Variants in ZNF710 observed in about 807,000 individuals in gnomAD.
ZNF710 encodes the protein zinc finger protein 710.
A neutral mutation model predicts 50.6 loss-of-function variants in ZNF710; 13 were observed. That is an observed-to-expected ratio of 0.26 (90% confidence interval 0.17 to 0.41). The LOEUF (loss-of-function observed/expected upper bound fraction) is 0.41, where lower values mean the gene tolerates loss of function less well. ZNF710 is among the 10% of genes least tolerant of loss of function. ZNF710 has a pLI of 1.00. For missense variants in ZNF710, 721 were observed against 936.6 expected, an observed-to-expected ratio of 0.77 and a Z score of 3.01; for synonymous variants, 383 against 397.0, an observed-to-expected ratio of 0.96 and a Z score of 0.42.
intron 1 of ZNF710, among the ~76,000 whole-genome samples, chr15:90,019,173 A>G (rs1315313973): frequency 1.1e-5 from 1 of 93,084 alleles, no homozygotes; most frequent in Non-Finnish European, 2.2e-5. Flanking sequence ...GTACCATCTT[A>G]TTACTTTTTC....
At chr15:90,005,345 A>G (rs1898112988) in intron 1 of ZNF710, among the ~76,000 whole-genome samples, 1 of 152,224 alleles carries the variant, frequency 6.6e-6, no homozygotes, top group African/African-American at 2.4e-5. Flanking sequence ...CATTGCTTCA[A>G]ACAAGCTCCA....
At chr15:90,041,424 C>T (rs1899291162) in intron 1 of ZNF710, among the ~76,000 whole-genome samples, 1 of 152,148 alleles carries the variant, frequency 6.6e-6, no homozygotes, top group Non-Finnish European at 1.5e-5. Flanking sequence ...CTCCCAGGCT[C>T]AAGCGATCCT....
intron 1 of ZNF710, among the ~76,000 whole-genome samples, chr15:90,027,733 T>C (rs988481425): frequency 6.6e-6 from 1 of 151,694 alleles, no homozygotes; most frequent in African/African-American, 2.4e-5. Flanking sequence ...GTGCCTATAG[T>C]CCCAGCTGCT....
At chr15:90,045,996 T>G (rs1040855181) in intron 1 of ZNF710, among the ~76,000 whole-genome samples, 12 of 152,250 alleles carry the variant, frequency 7.9e-5, no homozygotes, top group African/African-American at 2.6e-4. Flanking sequence ...GGTCACACTC[T>G]GGGTCCCCCA....
rs748126771 is a variant in ZNF710, at chr15:90,079,654, T to C, written c.1826-6T>C. On this transcript the variant is annotated splice_polypyrimidine_tract_variant and splice_region_variant and intron_variant, in intron 4 of 4. Coordinates refer to ENST00000268154, the MANE Select transcript of ZNF710 (RefSeq NM_198526.4). ...AGCCAGGTCTGACTGTGCCCCTCTCTTACAGACCCCATGATGGAGCTGACA... is the reference window on the plus strand; with the variant it reads ...AGCCAGGTCTGACTGTGCCCCTCTCCTACAGACCCCATGATGGAGCTGACA... The C allele has an allele frequency of 2.5e-6, 4 of 1,611,944 alleles. No individual in the cohort carries two copies. In the African/African-American group the frequency reaches 4.0e-5, roughly 16 times the overall value.
chr15:90,002,295 C>T (rs1898033205), intron 1 of ZNF710, among the ~76,000 whole-genome samples: 1 of 151,350 alleles, frequency 6.6e-6, no homozygotes, highest in African/African-American at 2.4e-5. Context: ...CTGGCCGCCG[C>T]ACGCTGGGCG....
rs919991648 is a variant in ZNF710 at position 90,040,831 on chromosome 15, C to T, written c.-28-26279C>T. 1.3e-5 allele frequency among the ~76,000 whole-genome samples: 2 copies of T among 152,100 alleles called. No individual in the cohort carries two copies. The highest frequency in any genetic ancestry group is 2.1e-4 in the South Asian group (1 of 4,814). On this transcript the variant is annotated intron_variant, in intron 1 of 4. Coordinates refer to ENST00000268154, the MANE Select transcript of ZNF710 (RefSeq NM_198526.4). This position sits in a 1 kb window ranked among gnomAD's most constrained non-coding sequence, Gnocchi z 4.6. ...CAGTGATTTCTTGATTTATCAATTT[C>T]GGACATTATCTTTTGCCTCCATATT...
intron 1 of ZNF710, among the ~76,000 whole-genome samples, chr15:90,037,214 G>T (rs112471146): frequency 0.012 from 1,844 of 152,286 alleles, 28 homozygotes; most frequent in African/African-American, 0.041. Context: ...TCCCCGGGTG[G>T]CCCACACGCT....
Position 90,059,467 on chromosome 15 carries a change from C to T in ZNF710, c.-28-7643C>T, listed in dbSNP as rs945683251. 1.3e-5 allele frequency among the ~76,000 whole-genome samples: 2 copies of T among 152,116 alleles called. No homozygotes were observed. Among genetic ancestry groups the T allele is most frequent in the African/African-American group, 2.4e-5 (1 of 41,420 alleles). On this transcript the variant is annotated intron_variant, in intron 1 of 4. Transcript: ENST00000268154. This position sits in a 1 kb window ranked among gnomAD's most constrained non-coding sequence, Gnocchi z 4.1. ...CAGTTTCCTCATCTGTTAACAGGGC[C>T]GGGTATGGTGCGCATCACGGGGGTT...
chr15:90,011,717 G>A (rs759335455), intron 1 of ZNF710, among the ~76,000 whole-genome samples: 13 of 151,992 alleles, frequency 8.6e-5, no homozygotes, highest in African/African-American at 2.2e-4. Flanking sequence ...TTCAGTGTCC[G>A]TTTGGCTGAA....
chr15:90,057,542 CAA>C (rs1286377879), intron 1 of ZNF710, among the ~76,000 whole-genome samples: 1 of 151,788 alleles, frequency 6.6e-6, no homozygotes, highest in Admixed American at 6.6e-5. Flanking sequence ...CTAAAAAATC[CAA>C]AAATGAGCCA....
At chr15:90,033,221 A>G (rs962493888) in intron 1 of ZNF710, among the ~76,000 whole-genome samples, 1 of 152,180 alleles carries the variant, frequency 6.6e-6, no homozygotes, top group Admixed American at 6.5e-5. Context: ...CAGGGTGAGC[A>G]CTGTTGACCC....
intron 1 of ZNF710, among the ~76,000 whole-genome samples, chr15:90,015,010 A>C (rs1290342190): frequency 6.6e-6 from 1 of 151,200 alleles, no homozygotes; most frequent in Non-Finnish European, 1.5e-5. Flanking sequence ...CTCCTGCCTC[A>C]GCCTCCTGAG....
intron 1 of ZNF710, 121 bp from the exon 2 acceptor site, chr15:90,066,989 G>T: frequency 1.8e-6 from 2 of 1,107,090 alleles, no homozygotes; most frequent in Non-Finnish European, 2.5e-6. Flanking sequence ...AAGGCCAGGA[G>T]TAGAAAAGAC....
chr15:90,054,545 G>C (rs542564950), intron 1 of ZNF710, among the ~76,000 whole-genome samples: 1 of 152,230 alleles, frequency 6.6e-6, no homozygotes, highest in East Asian at 1.9e-4. Flanking sequence ...GACTGCCTCA[G>C]TTTCCACGTC....
At chr15:90,058,465 C>T (rs955641401) in intron 1 of ZNF710, among the ~76,000 whole-genome samples, 1 of 151,988 alleles carries the variant, frequency 6.6e-6, no homozygotes, top group African/African-American at 2.4e-5. Context: ...TTTCACTCTC[C>T]ATCTCACTTA....
At chr15:90,045,884 C>G (rs377517432) in intron 1 of ZNF710, among the ~76,000 whole-genome samples, 83 of 152,238 alleles carry the variant, frequency 5.5e-4, no homozygotes, top group African/African-American at 1.9e-3. Context: ...TCTGGAGGAC[C>G]TACCGCATGT....
Position 90,067,930 on chromosome 15 carries a change from C to T in ZNF710, c.793C>T (p.Arg265Cys), listed in dbSNP as rs753434936. ...TGACACGGCGGGTTCGACCGTGGAA[C>T]GCCACAAGAAGGCCCAGCTGGATCG... ...EADTAGSTVERHKKAQLDRLD... is the reference protein window; with the variant it reads ...EADTAGSTVECHKKAQLDRLD... The change falls in exon 2 of 5, where the codon CGC becomes TGC. Residue 265 changes from arginine to cysteine, a missense_variant. By Grantham distance (180) the Arg-to-Cys change is radical. This residue lies in a region of ZNF710 where 326 missense variants were observed against 522.0 expected (regional missense o/e 0.62). Transcript: ENST00000268154. The surrounding 1 kb of genome is among the most constrained non-coding windows in gnomAD (Gnocchi z 8.1). The T allele has an allele frequency of 2.0e-5, 33 of 1,613,446 alleles. No homozygotes were observed. The highest frequency in any genetic ancestry group is 8.0e-5 in the African/African-American group (6 of 74,954).
chr15:90,013,912 G>A (rs1567220411), intron 1 of ZNF710, among the ~76,000 whole-genome samples: 2 of 151,990 alleles, frequency 1.3e-5, no homozygotes, highest in Non-Finnish European at 2.9e-5. Flanking sequence ...GTACACGTTC[G>A]GACCCCACAC....
Sources: gnomAD v4.1 joint callset for allele counts (sites outside exome capture counted in the v4.1 genomes callset) on GRCh38, gnomAD v4.1.1 for gene constraint, gnomAD v4.1.1 regional missense constraint, Gnocchi (gnomAD v3.1) non-coding constraint, MANE v1.5 for transcripts, NCBI Gene and HGNC (gene_info 2026-07-23, HGNC 2026-07-21) for gene names.